Variants in ZC3H13 observed in about 807,000 individuals in gnomAD.
The protein encoded by ZC3H13 is zinc finger CCCH-type containing 13, also known as zinc finger CCCH domain-containing protein 13.
In ZC3H13, 64 loss-of-function variants were observed where a neutral mutation model predicts 204.1. The observed-to-expected ratio is 0.31, with a 90% CI of 0.26 to 0.39. The LOEUF is 0.39. ZC3H13 is among the 10% of genes least tolerant of loss of function. ZC3H13 has a pLI of 1.00. For synonymous variants in ZC3H13, 667 were observed against 693.7 expected (o/e 0.96, Z 0.60); for missense variants, 1,833 against 2,082.7 (o/e 0.88, Z 2.33).
intron 4 of ZC3H13, among the ~76,000 whole-genome samples, chr13:46,025,822 T>C (rs1397676831): frequency 6.6e-6 from 1 of 152,044 alleles, no homozygotes; most frequent in East Asian, 1.9e-4. Context: ...CTATTATTAA[T>C]TTTAAAAAGA....
rs767679781 is a variant in ZC3H13, at chr13:45,985,412, T to C, written c.1605A>G (p.Arg535=). The C allele has an allele frequency of 3.1e-6, 5 of 1,614,098 alleles. No individual in the cohort carries two copies. The highest frequency in any genetic ancestry group is 4.2e-6 in the Non-Finnish European group (5 of 1,180,030). The change falls in exon 10 of 19, where the codon AGA becomes AGG. Residue 535 remains arginine, a synonymous_variant. Coordinates refer to ENST00000679008, the MANE Select transcript of ZC3H13 (RefSeq NM_001330564.2). ...TTATTTCCGTACGAGAACTTTCTTC[T>C]CTCAAATGGTTTCGGCCATAACTCC... The part of the protein sequence containing the change: ...ESRSYGRNHL[R]EESSRTEIRN...
rs371143329 is a variant in ZC3H13 at position 45,969,180 on chromosome 13, T to C, written c.3364A>G (p.Thr1122Ala). The change falls in exon 14 of 19, where the codon ACT becomes GCT. Residue 1122 changes from threonine (T) to alanine (A), a missense_variant. Physicochemically the swap from Thr to Ala is moderately conservative, Grantham distance 58 (BLOSUM62 0). Coordinates refer to ENST00000679008, the MANE Select transcript of ZC3H13 (RefSeq NM_001330564.2). ...ATTVPATLAA[T>A]TAAAATSFST... ...AAAGAGGTGGCGGCAGCAGCAGTAG[T>C]GGCAGCAAGAGTTGCAGGCACAGTT... is the stretch of plus-strand genomic sequence containing the variant. 2.5e-6 allele frequency: 4 copies of C among 1,613,818 alleles called. No individual in the cohort carries two copies. The African/African-American group carries it at 4.0e-5, about 16-fold the overall frequency.
At chr13:46,008,875 G>A (rs941431557) in intron 7 of ZC3H13, among the ~76,000 whole-genome samples, 3 of 152,102 alleles carry the variant, frequency 2.0e-5, no homozygotes, top group South Asian at 2.1e-4. Context: ...AAAGTTCTAT[G>A]CCAAGTAGGC....
rs1952973908 is a variant in ZC3H13 at position 45,975,618 on chromosome 13, A to G, written c.2133T>C (p.Arg711=). 6.4e-7 allele frequency: 1 copy of G among 1,570,448 alleles called. No individual in the cohort carries two copies. Among genetic ancestry groups the G allele is most frequent in the African/African-American group, 1.4e-5 (1 of 71,954 alleles). ...CTCTTTCTCTCTCCCGTTCCCTAGC[A>G]CGCTCTCTTTCTAGTTCTCTCTCTT... ...REKERELERE[R]AREREREREK... is the part of the protein sequence containing the mutation. Residue 711 remains arginine (R), a synonymous_variant, in exon 12 of 19, where the codon CGT becomes CGC. Transcript: ENST00000679008.
chr13:45,968,768 G>A lies in ZC3H13; in HGVS notation c.3776C>T (p.Pro1259Leu), dbSNP rs1036755354. 6.3e-7 allele frequency: 1 copy of A among 1,594,838 alleles called. No individual in the cohort carries two copies. Among genetic ancestry groups the A allele is most frequent in the African/African-American group, 1.4e-5 (1 of 73,594 alleles). The change falls in exon 14 of 19, where the codon CCC (proline) becomes CTC (leucine). Residue 1259 changes from proline to leucine, a missense_variant. By Grantham distance (98) the Pro-to-Leu change is moderately conservative (BLOSUM62 -3). This residue lies in a region of ZC3H13 where 1,574 missense variants were observed against 1,757.2 expected (regional missense o/e 0.90). Transcript: ENST00000679008. ...SRIDQLKRGEPSRSTSSDRQD... is the reference protein window; with the variant it reads ...SRIDQLKRGELSRSTSSDRQD... ...ATTACCTGAAGAAGTACTTCGACTGGGTTCTCCACGCTTTAACTGATCAAT... is the reference window on the plus strand; with the variant it reads ...ATTACCTGAAGAAGTACTTCGACTGAGTTCTCCACGCTTTAACTGATCAAT...
Position 45,987,088 on chromosome 13 carries a change from C to G in ZC3H13, c.1256-1327G>C, listed in dbSNP as rs112205498. On this transcript the variant is annotated intron_variant, in intron 9 of 18. Transcript: ENST00000679008. ...TTCACTTAGTGCCAGATCTTTTTCTCATGATGCGCCCATCTGTCTTTACAA... is the reference window on the plus strand; with the variant it reads ...TTCACTTAGTGCCAGATCTTTTTCTGATGATGCGCCCATCTGTCTTTACAA... Among the ~76,000 whole-genome samples, 433 of 152,328 alleles carry G rather than the reference C, an allele frequency of 2.8e-3. 6 individuals carry two copies. The highest frequency in any genetic ancestry group is 9.7e-3 in the African/African-American group (405 of 41,580).
At chr13:46,038,071 G>A (rs1046849106) in intron 4 of ZC3H13, among the ~76,000 whole-genome samples, 7 of 152,166 alleles carry the variant, frequency 4.6e-5, no homozygotes, top group Admixed American at 2.6e-4. Context: ...GTAAACTGGT[G>A]AGCAAGACAG....
chr13:46,006,696 T>C (rs1425782339), intron 7 of ZC3H13, among the ~76,000 whole-genome samples: 2 of 36,560 alleles, frequency 5.5e-5, no homozygotes, highest in East Asian at 2.0e-3. Context: ...AATTCTCAAG[T>C]CCCAAGAGTT....
intron 8 of ZC3H13, among the ~76,000 whole-genome samples, chr13:45,999,128 T>G (rs1028597673): frequency 6.6e-6 from 1 of 152,076 alleles, no homozygotes; most frequent in Non-Finnish European, 1.5e-5. Context: ...TAAGCCCAGC[T>G]ACTTGGGAGG....
chr13:45,994,962 C>T (rs376847184), intron 8 of ZC3H13, among the ~76,000 whole-genome samples: 128 of 148,424 alleles, frequency 8.6e-4, no homozygotes, highest in African/African-American at 2.9e-3. Flanking sequence ...CTGGAAGTCC[C>T]ATCTAGTCAC....
chr13:45,991,067 G>A (rs9526126), intron 8 of ZC3H13, among the ~76,000 whole-genome samples: 66,441 of 151,996 alleles, frequency 0.44, 14,968 homozygotes, highest in East Asian at 0.54. Flanking sequence ...CTCCTAAAGT[G>A]CTGGGATTAT....
rs758551038 is a variant in ZC3H13 at position 45,965,314 on chromosome 13, C to T, written c.4440G>A (p.Lys1480=). ...LDEILAGDAE[K]REDQQDEEKM... is the part of the protein sequence containing the mutation. ...TCTCCTCATCCTGTTGGTCCTCCCT[C>T]TTTTCTGCATCACCTGCCAGAATTT... The change falls in exon 16 of 19, where the codon AAG becomes AAA. Residue 1480 remains lysine (K), a synonymous_variant. Coordinates refer to ENST00000679008, the MANE Select transcript of ZC3H13 (RefSeq NM_001330564.2). The T allele has an allele frequency of 6.2e-6, 10 of 1,613,604 alleles. No homozygotes were observed. The East Asian group carries it at 1.3e-4, about 22-fold the overall frequency.
rs1951205642 is a variant in ZC3H13 at position 45,954,947 on chromosome 13, G to A, written c.*2180C>T. Reference sequence around the variant, plus strand: ...TAGTATACCCTTTACTAAATGGTGAGGATAGCTGCCAAAATAATCAAAAGG... The same window carrying A: ...TAGTATACCCTTTACTAAATGGTGAAGATAGCTGCCAAAATAATCAAAAGG... On this transcript the variant is annotated 3_prime_UTR_variant, in exon 19 of 19. Coordinates refer to ENST00000679008, the MANE Select transcript of ZC3H13 (RefSeq NM_001330564.2). 6.6e-6 allele frequency: 1 copy of A among 152,170 alleles called. No homozygotes were observed. The highest frequency in any genetic ancestry group is 1.5e-5 in the Non-Finnish European group (1 of 68,022). 9.4% of individuals were successfully genotyped at this position (152,170 alleles called of 1,614,324 possible). A position where few individuals can be genotyped will look rare whatever the true frequency, so the allele number is the denominator to read the frequency against.
intron 1 of ZC3H13, among the ~76,000 whole-genome samples, chr13:46,051,418 CATCTGTT>C: frequency 6.6e-6 from 1 of 152,232 alleles, no homozygotes; most frequent in East Asian, 1.9e-4. Context: ...TTGAAACTGT[CATCTGTT>C]ATAATCTAAA....
At chr13:45,977,572 A>G (rs1953163963) in intron 11 of ZC3H13, among the ~76,000 whole-genome samples, 1 of 152,194 alleles carries the variant, frequency 6.6e-6, no homozygotes, top group African/African-American at 2.4e-5. Flanking sequence ...TTAATAAATG[A>G]CATACCAATT....
chr13:45,970,352 G>T lies in ZC3H13; in HGVS notation c.2572+10C>A. 1 of 1,612,388 alleles carries T rather than the reference G, an allele frequency of 6.2e-7. No individual in the cohort carries two copies. Among genetic ancestry groups the T allele is most frequent in the Non-Finnish European group, 8.5e-7 (1 of 1,178,686 alleles). On this transcript the variant is annotated intron_variant, in intron 13 of 18. Transcript: ENST00000679008. ...TGAATATAGAGAGACAGAAAACAGA[G>T]TCTGCTTACTTTTATCATCTCCACT...
chr13:46,046,109 T>C (rs1390317874), intron 1 of ZC3H13, among the ~76,000 whole-genome samples: 1 of 152,160 alleles, frequency 6.6e-6, no homozygotes, highest in African/African-American at 2.4e-5. Context: ...GCATATTTAT[T>C]TTCCAGTAAC....
chr13:45,959,342 ATTC>A, intron 18 of ZC3H13, 138 bp downstream of exon 18: 1 of 754,920 alleles, frequency 1.3e-6, no homozygotes, highest in African/African-American at 1.8e-5. Flanking sequence ...TTTTAATGGC[ATTC>A]TTCTTTTTAC....
intron 10 of ZC3H13, 26 bp downstream of exon 10, chr13:45,985,271 G>C (rs1954071516): frequency 6.4e-7 from 1 of 1,572,544 alleles, no homozygotes; most frequent in Admixed American, 1.8e-5. Context: ...ATAAGATATA[G>C]TTCATAGACA....
Sources: allele counts gnomAD v4.1 joint callset (sites outside exome capture counted in the v4.1 genomes callset), GRCh38; gene constraint gnomAD v4.1.1; regional missense constraint gnomAD v4.1.1; transcripts MANE v1.5; gene names NCBI Gene and HGNC (gene_info 2026-07-23, HGNC 2026-07-21).